TMC1: variants seen among roughly 807,000 people sequenced by gnomAD.
The protein encoded by TMC1 is transmembrane channel-like protein 1.
TMC1 carries 84 observed loss-of-function variants against 105.8 expected under a neutral mutation model. The ratio of observed to expected loss-of-function variants is 0.79; its 90% CI spans 0.67 to 0.95. TMC1 has a LOEUF of 0.95. TMC1 is among the 40% of genes least tolerant of loss of function. The pLI is 0.00. For synonymous variants in TMC1, 315 were observed against 311.5 expected, an observed-to-expected ratio of 1.01 and a Z score of -0.12; for missense variants, 817 against 914.1, an observed-to-expected ratio of 0.89 and a Z score of 1.37.
rs1172357346 is a variant in TMC1, at chr9:72,751,896, G to T, written c.582G>T (p.Trp194Cys). ...CCTCATACTTCCTCTTCTTGAGATGGATGTATGGAGTCAATATGGTTCTCT... is the reference window on the plus strand; with the variant it reads ...CCTCATACTTCCTCTTCTTGAGATGTATGTATGGAGTCAATATGGTTCTCT... ...SVASYFLFLR[W>C]MYGVNMVLFI... The change falls in exon 11 of 24, where the codon TGG (tryptophan) becomes TGT (cysteine). Residue 194 changes from tryptophan (W) to cysteine (C), a missense_variant. Physicochemically the swap from Trp to Cys is radical, Grantham distance 215. Transcript: ENST00000297784. The T allele has an allele frequency of 6.2e-7, 1 of 1,613,680 alleles. No individual in the cohort carries two copies.
chr9:72,676,641 A>G (rs905933378), intron 5 of TMC1, among the ~76,000 whole-genome samples: 2 of 152,166 alleles, frequency 1.3e-5, no homozygotes, highest in Admixed American at 6.6e-5. Context: ...ACATAGGCTC[A>G]TTCTCCTAGA....
chr9:72,562,686 A>AT (rs1019234396), intron 1 of TMC1, among the ~76,000 whole-genome samples: 2 of 149,738 alleles, frequency 1.3e-5, no homozygotes, highest in African/African-American at 5.0e-5. Context: ...TGTCAATTAA[A>AT]TTTTTTTTAA....
chr9:72,691,005 T>C (rs1056963328), intron 6 of TMC1, among the ~76,000 whole-genome samples: 2 of 152,134 alleles, frequency 1.3e-5, no homozygotes, highest in Admixed American at 1.3e-4. Context: ...GACTTTTTCT[T>C]ATTCTTTTTA....
rs116140007 is a variant in TMC1 at position 72,573,460 on chromosome 9, G to A, written c.-427-4442G>A. Among the ~76,000 whole-genome samples, 296 of 152,306 alleles carry A rather than the reference G, an allele frequency of 1.9e-3. 1 individual carries two copies. The highest frequency in any genetic ancestry group is 6.5e-3 in the African/African-American group (272 of 41,566). Reference sequence around the variant, plus strand: ...CAGTACATGATGACATTAGCATGCTGTGCCAGCATTTCTACCTACCACGAT... The same window carrying A: ...CAGTACATGATGACATTAGCATGCTATGCCAGCATTTCTACCTACCACGAT... On this transcript the variant is annotated intron_variant, in intron 1 of 23. Transcript: ENST00000297784.
chr9:72,637,383 C>T (rs532580296), intron 4 of TMC1, among the ~76,000 whole-genome samples: 3 of 152,094 alleles, frequency 2.0e-5, no homozygotes, highest in African/African-American at 7.2e-5. Flanking sequence ...CTGAATCCTC[C>T]CCATGGCTCT....
chr9:72,608,497 A>G (rs144420768), intron 2 of TMC1, among the ~76,000 whole-genome samples: 13 of 152,298 alleles, frequency 8.5e-5, no homozygotes, highest in African/African-American at 3.1e-4. Context: ...ACTTGAGGAC[A>G]GGAGTTTGAG....
intron 19 of TMC1, among the ~76,000 whole-genome samples, chr9:72,820,131 T>C (rs574542520): frequency 1.3e-5 from 2 of 152,270 alleles, no homozygotes; most frequent in South Asian, 4.1e-4. Flanking sequence ...TGTGTGGAAT[T>C]TTCATCTCAA....
At chr9:72,562,482 T>C (rs1042982301) in intron 1 of TMC1, among the ~76,000 whole-genome samples, 2 of 152,228 alleles carry the variant, frequency 1.3e-5, no homozygotes, top group Non-Finnish European at 2.9e-5. Context: ...GCTGGAAGTC[T>C]AAGTGAAAAG....
intron 18 of TMC1, among the ~76,000 whole-genome samples, chr9:72,807,392 A>G (rs928093229): frequency 2.0e-5 from 3 of 152,358 alleles, no homozygotes; most frequent in Non-Finnish European, 4.4e-5. Flanking sequence ...TTTAGGTGCA[A>G]TAAATGAAGA....
intron 8 of TMC1, among the ~76,000 whole-genome samples, chr9:72,737,512 A>C (rs1285982616): frequency 6.6e-6 from 1 of 152,168 alleles, no homozygotes; most frequent in Non-Finnish European, 1.5e-5. Context: ...GGTCTGTGTG[A>C]GTCTGAGTCA....
At chr9:72,546,900 A>C (rs963831328) in intron 1 of TMC1, among the ~76,000 whole-genome samples, 2 of 152,226 alleles carry the variant, frequency 1.3e-5, no homozygotes, top group African/African-American at 4.8e-5. Flanking sequence ...CTGTGTGCAT[A>C]GCTTCAAAAT....
Position 72,789,128 on chromosome 9 carries a change from T to A in TMC1, c.1035T>A (p.Ala345=). The stretch of plus-strand genomic sequence containing the variant: ...GTTTGTTTTCATGGATACAGGAAGC[T>A]ATCACAGAAGAAAAAGCAGCCCAAG... The part of the protein sequence containing the change: ...FNSITMNFKE[A]ITEEKAAQVE... Residue 345 remains alanine, a synonymous_variant, in exon 15 of 24, where the codon GCT becomes GCA. Transcript: ENST00000297784. The A allele has an allele frequency of 1.2e-6, 2 of 1,612,530 alleles. No individual in the cohort carries two copies. The highest frequency in any genetic ancestry group is 1.7e-6 in the Non-Finnish European group (2 of 1,179,874).
intron 1 of TMC1, among the ~76,000 whole-genome samples, chr9:72,533,572 G>A (rs1237872161): frequency 6.6e-6 from 1 of 152,174 alleles, no homozygotes; most frequent in Non-Finnish European, 1.5e-5. Flanking sequence ...GACTTGTCAT[G>A]TGAGTTACTG....
At chr9:72,544,478 CTTT>C (rs71493656) in intron 1 of TMC1, among the ~76,000 whole-genome samples, 5 of 125,228 alleles carry the variant, frequency 4.0e-5, no homozygotes, top group African/African-American at 3.1e-5. Flanking sequence ...GATTTTTTAA[CTTT>C]TTTTTTTTTT....
chr9:72,830,320 G>T, intron 21 of TMC1, 131 bp from the exon 22 acceptor site: 2 of 718,558 alleles, frequency 2.8e-6, no homozygotes, highest in East Asian at 5.4e-5. Flanking sequence ...TAAGACAAGA[G>T]ATTTAGAGTA....
intron 5 of TMC1, among the ~76,000 whole-genome samples, chr9:72,673,714 C>A (rs1296890997): frequency 6.6e-6 from 1 of 152,096 alleles, no homozygotes; most frequent in African/African-American, 2.4e-5. Flanking sequence ...TACCAAAGTT[C>A]ATTCAGGAAG....
intron 4 of TMC1, among the ~76,000 whole-genome samples, chr9:72,630,669 T>A (rs1825434563): frequency 6.6e-6 from 1 of 152,194 alleles, no homozygotes; most frequent in South Asian, 2.1e-4. Context: ...TTTATATATG[T>A]CTGCATATGT....
In TMC1 at chr9:72,827,772, C is replaced by T. The variant is rs576628568; in HGVS notation, c.2129+778C>T. Among the ~76,000 whole-genome samples, 35 of 152,294 alleles carry T rather than the reference C, an allele frequency of 2.3e-4. 1 individual carries two copies. The highest frequency in any genetic ancestry group is 7.9e-4 in the African/African-American group (33 of 41,562). ...CTACATAGAATGTCTGGAGCTGCCA[C>T]GACTCTCAGTCAGTGGGTAAATATT... On this transcript the variant is annotated intron_variant, in intron 21 of 23. Transcript: ENST00000297784.
At chr9:72,648,721 G>A (rs1360901535) in intron 5 of TMC1, 57 bp downstream of exon 5, 2 of 1,492,424 alleles carry the variant, frequency 1.3e-6, no homozygotes, top group Non-Finnish European at 1.9e-6. Context: ...GAGGTATAAA[G>A]GTATTTGAAA....
Sources: allele counts gnomAD v4.1 joint callset (sites outside exome capture counted in the v4.1 genomes callset), GRCh38; gene constraint gnomAD v4.1.1; transcripts MANE v1.5; gene names NCBI Gene and HGNC (gene_info 2026-07-23, HGNC 2026-07-21).